Variants in SGCD observed in about 807,000 individuals in gnomAD.
SGCD encodes sarcoglycan delta.
In SGCD, 18 loss-of-function variants were observed where a neutral mutation model predicts 36.6. The ratio of observed to expected loss-of-function variants is 0.49; its 90% CI spans 0.34 to 0.73. SGCD has a LOEUF of 0.73. SGCD is among the 30% of genes least tolerant of loss of function. The probability of loss-of-function intolerance (pLI) is 0.01; values close to 1 mark genes in which losing one functional copy is unlikely to be tolerated. For synonymous variants in SGCD, 133 were observed against 130.6 expected, an observed-to-expected ratio of 1.02 and a Z score of -0.12; for missense variants, 387 against 346.7, an observed-to-expected ratio of 1.12 and a Z score of -0.92.
chr5:156,183,623 G>T (rs2127628398), intron 3 of SGCD, among the ~76,000 whole-genome samples: 1 of 152,226 alleles, frequency 6.6e-6, no homozygotes, highest in East Asian at 1.9e-4. Context: ...GGCCAGGGTG[G>T]TCTCAAACTC....
intron 7 of SGCD, among the ~76,000 whole-genome samples, chr5:156,726,130 ACTGAAACATTCTGAAATTC>A (rs1384305946): frequency 6.6e-6 from 1 of 152,218 alleles, no homozygotes; most frequent in Non-Finnish European, 1.5e-5. Context: ...AGATGGCCGT[ACTGAAACATTCTGAAATTC>A]CTGAAATATT....
chr5:156,248,950 C>T (rs1272940712), intron 3 of SGCD, among the ~76,000 whole-genome samples: 1 of 152,056 alleles, frequency 6.6e-6, no homozygotes, highest in Non-Finnish European at 1.5e-5. Flanking sequence ...TTGTTGCTCA[C>T]CAAATTATTT....
intron 7 of SGCD, chr5:156,739,799 T>C (rs906093367): frequency 6.6e-5 from 10 of 152,198 alleles, no homozygotes; most frequent in African/African-American, 2.4e-4. Flanking sequence ...TACAAGTCTC[T>C]AAGCACATGG....
At chr5:156,646,476 G>C (rs1763229487) in intron 6 of SGCD, among the ~76,000 whole-genome samples, 1 of 152,158 alleles carries the variant, frequency 6.6e-6, no homozygotes, top group Non-Finnish European at 1.5e-5. Flanking sequence ...CCTACACAGA[G>C]CTTAAGATCT....
In SGCD at chr5:156,056,468, G is replaced by A. The variant is rs1272484317; in HGVS notation, c.-281-61410G>A. Among the ~76,000 whole-genome samples, 3 of 143,548 alleles carry A rather than the reference G, an allele frequency of 2.1e-5. 1 individual carries two copies. Among genetic ancestry groups the A allele is most frequent in the Non-Finnish European group, 3.1e-5 (2 of 64,076 alleles). 94.2% of individuals were successfully genotyped at this position (143,548 alleles called of 152,430 possible). Reference sequence around the variant, plus strand: ...GTGCTCAAGATATTTTTCAGACCCCGAATTCTGATGCACCAGCTGATGCTA... The same window carrying A: ...GTGCTCAAGATATTTTTCAGACCCCAAATTCTGATGCACCAGCTGATGCTA... On this transcript the variant is annotated intron_variant, in intron 1 of 9. Transcript: ENST00000517913.
chr5:156,649,737 G>A (rs891954811), intron 7 of SGCD, among the ~76,000 whole-genome samples: 1 of 151,940 alleles, frequency 6.6e-6, no homozygotes, highest in African/African-American at 2.4e-5. Context: ...GGGAGGGATA[G>A]CATTAGGAGA....
intron 3 of SGCD, among the ~76,000 whole-genome samples, chr5:156,456,081 A>G (rs928437412): frequency 1.1e-4 from 16 of 152,216 alleles, no homozygotes; most frequent in Non-Finnish European, 1.0e-4. Context: ...CCCAGTTTGT[A>G]TTACTCTGCT....
chr5:156,715,083 C>A (rs1328090594), intron 7 of SGCD, among the ~76,000 whole-genome samples: 2 of 152,226 alleles, frequency 1.3e-5, no homozygotes, highest in African/African-American at 4.8e-5. Context: ...ATTCCACCTC[C>A]AGAGTAGCGA....
chr5:155,966,298 T>C (rs1757902197), intron 1 of SGCD, among the ~76,000 whole-genome samples: 1 of 152,126 alleles, frequency 6.6e-6, no homozygotes, highest in African/African-American at 2.4e-5. Flanking sequence ...TTTGATTTGA[T>C]GTGCTGGGTT....
chr5:156,305,400 G>T (rs937516756), intron 3 of SGCD, among the ~76,000 whole-genome samples: 2 of 152,204 alleles, frequency 1.3e-5, no homozygotes, highest in Admixed American at 1.3e-4. Context: ...AGCCTTGGCA[G>T]CTTTCATGTG....
intron 4 of SGCD, among the ~76,000 whole-genome samples, chr5:156,567,869 T>C (rs977587463): frequency 1.3e-5 from 2 of 152,306 alleles, no homozygotes; most frequent in East Asian, 1.9e-4. Flanking sequence ...GACAGTGATA[T>C]GATCTTTATT....
intron 1 of SGCD, among the ~76,000 whole-genome samples, chr5:156,328,177 T>C (rs1426017111): frequency 2.0e-5 from 3 of 152,220 alleles, no homozygotes; most frequent in Admixed American, 1.3e-4. Context: ...GCAGTATAGA[T>C]TTTTTCCTCT....
At chr5:155,845,976 T>C in the SGCD span, among the ~76,000 whole-genome samples, 2,709 of 152,292 alleles carry the variant, frequency 0.018, 86 homozygotes, top group African/African-American at 0.061. Flanking sequence ...TTTTTTAAAT[T>C]TCACATGTAA....
chr5:156,482,468 G>T (rs745473810), intron 3 of SGCD, among the ~76,000 whole-genome samples: 7 of 151,880 alleles, frequency 4.6e-5, no homozygotes, highest in Admixed American at 1.3e-4. Flanking sequence ...CTATAACTTC[G>T]TTTTTTTCTC....
At chr5:156,303,437 T>G (rs1456256535) in intron 3 of SGCD, among the ~76,000 whole-genome samples, 1 of 152,014 alleles carries the variant, frequency 6.6e-6, no homozygotes, top group Non-Finnish European at 1.5e-5. Flanking sequence ...GCTTAGAATC[T>G]GGAACCCCAG....
the SGCD span, among the ~76,000 whole-genome samples, chr5:155,745,584 AAGAG>A: frequency 3.9e-5 from 6 of 152,148 alleles, no homozygotes; most frequent in Non-Finnish European, 8.8e-5. Flanking sequence ...CATGTAAAGT[AAGAG>A]AGAAGTTACA....
the SGCD span, among the ~76,000 whole-genome samples, chr5:155,854,139 A>G: frequency 1.3e-5 from 2 of 152,106 alleles, no homozygotes; most frequent in Non-Finnish European, 2.9e-5. Context: ...ATAGACTGTA[A>G]ATTAGGATTC....
intron 1 of SGCD, among the ~76,000 whole-genome samples, chr5:155,903,586 G>T (rs1285390864): frequency 6.6e-6 from 1 of 152,078 alleles, no homozygotes; most frequent in Non-Finnish European, 1.5e-5. Context: ...CAATGATTGT[G>T]GAAGGGACTC....
At chr5:156,384,135 C>T (rs1371207186) in intron 3 of SGCD, among the ~76,000 whole-genome samples, 2 of 152,162 alleles carry the variant, frequency 1.3e-5, no homozygotes, top group African/African-American at 4.8e-5. Flanking sequence ...ACATTCAATG[C>T]CAGAAAGAGA....
Sources: allele counts gnomAD v4.1 joint callset (sites outside exome capture counted in the v4.1 genomes callset), GRCh38; gene constraint gnomAD v4.1.1; transcripts MANE v1.5; gene names NCBI Gene and HGNC (gene_info 2026-07-23, HGNC 2026-07-21).